The following WDFY3 variants were observed in gnomAD, a reference collection of about 807,000 sequenced individuals.
WDFY3 encodes the protein WD repeat and FYVE domain containing 3, also known as WD repeat and FYVE domain-containing protein 3.
WDFY3 carries 66 observed loss-of-function variants against 409.6 expected under a neutral mutation model. The ratio of observed to expected loss-of-function variants is 0.16; its 90% CI spans 0.13 to 0.20. The LOEUF is 0.20. WDFY3 is among the 10% of genes least tolerant of loss of function. The pLI is 1.00. For missense variants in WDFY3, 3,031 were observed against 4,298.1 expected (o/e 0.71, Z 8.24); for synonymous variants, 1,521 against 1,537.1 (o/e 0.99, Z 0.25).
chr4:84,878,325 A>T (rs1431209304), intron 3 of WDFY3, among the ~76,000 whole-genome samples: 2 of 152,206 alleles, frequency 1.3e-5, no homozygotes, highest in African/African-American at 2.4e-5. Context: ...ATCATGACTG[A>T]ATGAGGCTGG....
intron 3 of WDFY3, among the ~76,000 whole-genome samples, chr4:84,891,522 A>G (rs1267674542): frequency 6.6e-6 from 1 of 152,206 alleles, no homozygotes; most frequent in African/African-American, 2.4e-5. Context: ...ATTGAAATTT[A>G]TTTCAAACTA....
chr4:84,769,596 A>T lies in WDFY3; in HGVS notation c.4850-3224T>A, dbSNP rs1182512655. 5.9e-5 allele frequency among the ~76,000 whole-genome samples: 9 copies of T among 151,360 alleles called. No individual in the cohort carries two copies. The South Asian group carries it at 1.5e-3, about 25-fold the overall frequency. ...TGCCCGGCTAATTTTTTTTGTGTGT[A>T]TTTTTTTAGTAGAGACGGGGTTTCA... On this transcript the variant is annotated intron_variant, in intron 30 of 67. Transcript: ENST00000295888.
intron 3 of WDFY3, among the ~76,000 whole-genome samples, chr4:84,891,325 C>T (rs1764915656): frequency 6.6e-6 from 1 of 152,152 alleles, no homozygotes; most frequent in Admixed American, 6.5e-5. Context: ...TAAATCCTGA[C>T]TGATTCATAG....
intron 22 of WDFY3, among the ~76,000 whole-genome samples, chr4:84,789,008 A>G (rs1748017053): frequency 6.6e-6 from 1 of 152,210 alleles, no homozygotes; most frequent in African/African-American, 2.4e-5. Flanking sequence ...CGACAGAGCA[A>G]GACACCATCT....
intron 10 of WDFY3, among the ~76,000 whole-genome samples, chr4:84,826,501 G>A (rs993594226): frequency 4.6e-5 from 7 of 152,108 alleles, no homozygotes; most frequent in African/African-American, 1.4e-4. Flanking sequence ...TCCACGTAAA[G>A]TAGAAATGCA....
chr4:84,750,378 C>G (rs1318860363), intron 36 of WDFY3, among the ~76,000 whole-genome samples: 1 of 151,960 alleles, frequency 6.6e-6, no homozygotes, highest in African/African-American at 2.4e-5. Context: ...AAAAAATTGA[C>G]CAAATTGAGA....
intron 17 of WDFY3, among the ~76,000 whole-genome samples, chr4:84,799,706 C>T (rs1750160360): frequency 1.3e-5 from 2 of 151,818 alleles, no homozygotes; most frequent in African/African-American, 4.8e-5. Context: ...AAGTAGAATA[C>T]TCCAAATTTT....
At chr4:84,721,281 G>C in intron 47 of WDFY3, 128 bp downstream of exon 47, 1 of 1,273,182 alleles carries the variant, frequency 7.9e-7, no homozygotes, top group Non-Finnish European at 1.1e-6. Context: ...AACCCAAAAG[G>C]CTGCTTAAGC....
At chr4:84,940,743 A>G (rs1049392568) in intron 1 of WDFY3, among the ~76,000 whole-genome samples, 4 of 152,070 alleles carry the variant, frequency 2.6e-5, no homozygotes, top group Non-Finnish European at 5.9e-5. Flanking sequence ...GAAATTTCAT[A>G]TTTTTTGTGA....
chr4:84,674,394 A>G (rs1196775587), intron 67 of WDFY3, among the ~76,000 whole-genome samples: 5 of 151,580 alleles, frequency 3.3e-5, no homozygotes, highest in African/African-American at 1.2e-4. Flanking sequence ...ACATAGTGAG[A>G]CTCTATCTCT....
intron 2 of WDFY3, among the ~76,000 whole-genome samples, chr4:84,920,937 C>CA (rs1209118960): frequency 1.3e-5 from 2 of 152,044 alleles, no homozygotes; most frequent in African/African-American, 4.8e-5. Context: ...ACCGTTCCTC[C>CA]AGTCTTGGCC....
At chr4:84,847,663 A>G (rs934077210) in intron 5 of WDFY3, among the ~76,000 whole-genome samples, 7 of 148,740 alleles carry the variant, frequency 4.7e-5, no homozygotes, top group Non-Finnish European at 1.0e-4. Flanking sequence ...AGTCCCAGCT[A>G]CCCAGGAGGC....
At chr4:84,802,034 G>A (rs190434155) in intron 16 of WDFY3, among the ~76,000 whole-genome samples, 170 bp from the exon 17 acceptor site, 99 of 150,020 alleles carry the variant, frequency 6.6e-4, no homozygotes, top group African/African-American at 2.2e-3. Context: ...TGCAACCTCT[G>A]CCTTGCAGGT....
At chr4:84,817,953 A>C (rs1578661512) in intron 12 of WDFY3, among the ~76,000 whole-genome samples, 1 of 152,198 alleles carries the variant, frequency 6.6e-6, no homozygotes, top group Non-Finnish European at 1.5e-5. Flanking sequence ...AGGAGATTTA[A>C]ATGAACATGG....
intron 55 of WDFY3, among the ~76,000 whole-genome samples, chr4:84,703,013 A>G (rs1019567909): frequency 1.3e-5 from 2 of 151,920 alleles, no homozygotes; most frequent in East Asian, 1.9e-4. Flanking sequence ...GGAGAATGGC[A>G]TGAACCCCAG....
intron 4 of WDFY3, among the ~76,000 whole-genome samples, chr4:84,857,106 CT>C (rs1466649871): frequency 2.0e-5 from 3 of 151,810 alleles, no homozygotes; most frequent in African/African-American, 7.3e-5. Flanking sequence ...TTTACTGAAC[CT>C]TTGTGATATC....
intron 4 of WDFY3, 126 bp downstream of exon 4, chr4:84,860,286 G>A: frequency 8.9e-7 from 1 of 1,119,202 alleles, no homozygotes; most frequent in Non-Finnish European, 1.3e-6. Flanking sequence ...CATGAAACGA[G>A]AACACCAAAC....
At chr4:84,764,577 T>G (rs994338226) in intron 32 of WDFY3, among the ~76,000 whole-genome samples, 2 of 152,110 alleles carry the variant, frequency 1.3e-5, no homozygotes, top group Non-Finnish European at 2.9e-5. Context: ...CCTGTCTTCC[T>G]ATGGCTGGGT....
intron 2 of WDFY3, among the ~76,000 whole-genome samples, chr4:84,898,057 G>A (rs1326693578): frequency 6.6e-6 from 1 of 152,088 alleles, no homozygotes; most frequent in African/African-American, 2.4e-5. Flanking sequence ...AGCCTAAGCT[G>A]GCAGCCACTA....
Sources: allele counts gnomAD v4.1 joint callset (sites outside exome capture counted in the v4.1 genomes callset), GRCh38; gene constraint gnomAD v4.1.1; transcripts MANE v1.5; gene names NCBI Gene and HGNC (gene_info 2026-07-23, HGNC 2026-07-21).